IMMP2L: variants seen among roughly 807,000 people sequenced by gnomAD.
The protein encoded by IMMP2L is mitochondrial inner membrane protease subunit 2.
Under a neutral mutation model 19.3 loss-of-function variants are expected in IMMP2L, and 18 were observed. That is an observed-to-expected ratio of 0.93 (90% confidence interval 0.64 to 1.38). The LOEUF (loss-of-function observed/expected upper bound fraction) is 1.38. Ranked by LOEUF, IMMP2L falls within the 40% of genes most tolerant of loss-of-function variation. IMMP2L has a pLI of 0.00. For synonymous variants in IMMP2L, 76 were observed against 73.0 expected, an observed-to-expected ratio of 1.04 and a Z score of -0.21; for missense variants, 233 against 218.2, an observed-to-expected ratio of 1.07 and a Z score of -0.43.
chr7:111,560,328 C>G (rs1791889083), intron 1 of IMMP2L, among the ~76,000 whole-genome samples: 1 of 152,040 alleles, frequency 6.6e-6, no homozygotes, highest in Admixed American at 6.6e-5. Context: ...GCACAGAAAC[C>G]CATGCAAGTT....
intron 5 of IMMP2L, among the ~76,000 whole-genome samples, chr7:110,729,095 G>T (rs564889704): frequency 6.6e-6 from 1 of 152,184 alleles, no homozygotes; most frequent in East Asian, 1.9e-4. Context: ...ATGTTGGTCA[G>T]GCTTGTCTCG....
At chr7:111,158,961 G>A (rs1212493526) in intron 3 of IMMP2L, among the ~76,000 whole-genome samples, 3 of 152,058 alleles carry the variant, frequency 2.0e-5, no homozygotes, top group Non-Finnish European at 4.4e-5. Flanking sequence ...ATAAGCATAT[G>A]CTTAATATCC....
chr7:110,803,543 G>A lies in IMMP2L; in HGVS notation c.408+83050C>T, dbSNP rs1445681733. On this transcript the variant is annotated intron_variant, in intron 5 of 5. Coordinates refer to ENST00000405709, the MANE Select transcript of IMMP2L (RefSeq NM_032549.4). This position sits in a 1 kb window ranked among gnomAD's most constrained non-coding sequence, Gnocchi z 4.2. Reference sequence around the variant, plus strand: ...GAGAATGAGGCTGAGAGGGAAGTCAGTTGACACCACTAGGAGGTCTACCAC... The same window carrying A: ...GAGAATGAGGCTGAGAGGGAAGTCAATTGACACCACTAGGAGGTCTACCAC... 6.6e-6 allele frequency among the ~76,000 whole-genome samples: 1 copy of A among 152,076 alleles called. No homozygotes were observed. Among genetic ancestry groups the A allele is most frequent in the African/African-American group, 2.4e-5 (1 of 41,428 alleles).
At chr7:111,079,726 A>T (rs1244344426) in intron 3 of IMMP2L, among the ~76,000 whole-genome samples, 1 of 152,188 alleles carries the variant, frequency 6.6e-6, no homozygotes, top group East Asian at 1.9e-4. Flanking sequence ...TCAAATTATA[A>T]TCTCCTATGG....
intron 2 of IMMP2L, among the ~76,000 whole-genome samples, chr7:111,500,676 G>C (rs1034076233): frequency 2.0e-5 from 3 of 152,134 alleles, no homozygotes; most frequent in African/African-American, 7.2e-5. Flanking sequence ...AGCCACCGCT[G>C]TTCTGCAGCC....
At chr7:111,367,987 A>T (rs909913317) in intron 3 of IMMP2L, among the ~76,000 whole-genome samples, 4 of 151,758 alleles carry the variant, frequency 2.6e-5, no homozygotes, top group South Asian at 4.2e-4. Flanking sequence ...ACCACTCATT[A>T]AAAAAAGGAA....
chr7:110,905,640 G>A (rs1585211118), intron 4 of IMMP2L, among the ~76,000 whole-genome samples: 1 of 152,146 alleles, frequency 6.6e-6, no homozygotes, highest in East Asian at 1.9e-4. Flanking sequence ...AAAGATGAGA[G>A]ATCATAAAGT....
intron 5 of IMMP2L, among the ~76,000 whole-genome samples, chr7:110,871,387 C>G (rs1206930153): frequency 6.6e-6 from 1 of 151,868 alleles, no homozygotes; most frequent in Non-Finnish European, 1.5e-5. Context: ...AGGGGCATGC[C>G]AAAATTTAGA....
intron 3 of IMMP2L, among the ~76,000 whole-genome samples, chr7:111,212,515 G>A (rs1811437732): frequency 6.6e-6 from 1 of 151,948 alleles, no homozygotes; most frequent in Non-Finnish European, 1.5e-5. Context: ...GGAGGATGAA[G>A]TGACAGAATC....
At chr7:110,918,124 C>T (rs2129550123) in intron 4 of IMMP2L, among the ~76,000 whole-genome samples, 1 of 152,226 alleles carries the variant, frequency 6.6e-6, no homozygotes, top group East Asian at 1.9e-4. Context: ...AATTTCTTTC[C>T]TTTCCTATTT....
At chr7:110,731,769 C>G (rs1006138895) in intron 5 of IMMP2L, among the ~76,000 whole-genome samples, 5 of 152,066 alleles carry the variant, frequency 3.3e-5, no homozygotes, top group Non-Finnish European at 7.4e-5. Context: ...GATTATAAAG[C>G]CTGTTTTCTC....
chr7:111,382,210 T>C (rs1257308401), intron 3 of IMMP2L, among the ~76,000 whole-genome samples: 1 of 151,900 alleles, frequency 6.6e-6, no homozygotes, highest in Admixed American at 6.6e-5. Context: ...CAAATAGCCA[T>C]GTATGAACAA....
intron 3 of IMMP2L, among the ~76,000 whole-genome samples, chr7:111,276,876 C>T (rs1219286891): frequency 6.6e-6 from 1 of 151,996 alleles, no homozygotes; most frequent in East Asian, 1.9e-4. Context: ...AAAATGCCAC[C>T]TTATTTAATA....
At chr7:111,397,410 C>T (rs142763279) in intron 3 of IMMP2L, among the ~76,000 whole-genome samples, 148 of 152,168 alleles carry the variant, frequency 9.7e-4, no homozygotes, top group Non-Finnish European at 2.0e-3. Flanking sequence ...AATGCAGTAG[C>T]GAACATCCCT....
At chr7:111,350,378 T>TA (rs1325929708) in intron 3 of IMMP2L, among the ~76,000 whole-genome samples, 1 of 151,588 alleles carries the variant, frequency 6.6e-6, no homozygotes, top group Non-Finnish European at 1.5e-5. Flanking sequence ...TAGTTGGACT[T>TA]ATCTTTATTT....
chr7:110,861,311 C>T (rs1022230024), intron 5 of IMMP2L, among the ~76,000 whole-genome samples: 7 of 151,702 alleles, frequency 4.6e-5, no homozygotes, highest in African/African-American at 9.7e-5. Context: ...GGTCTTGCGT[C>T]GGCTGCACTC....
At chr7:110,883,164 C>T (rs1563051791) in intron 5 of IMMP2L, among the ~76,000 whole-genome samples, 2 of 152,038 alleles carry the variant, frequency 1.3e-5, no homozygotes, top group African/African-American at 4.8e-5. Flanking sequence ...AAGACATAAA[C>T]TTTACTTTTC....
intron 3 of IMMP2L, among the ~76,000 whole-genome samples, chr7:111,423,006 G>A (rs1198461361): frequency 2.0e-5 from 3 of 151,824 alleles, no homozygotes; most frequent in Non-Finnish European, 4.4e-5. Context: ...TTCTGTTTAA[G>A]TGATGGATTA....
chr7:111,332,967 A>G (rs891776121), intron 3 of IMMP2L, among the ~76,000 whole-genome samples: 1 of 152,052 alleles, frequency 6.6e-6, no homozygotes, highest in African/African-American at 2.4e-5. Flanking sequence ...AATACAGGAG[A>G]TCCCTTAGGG....
Sources: allele counts gnomAD v4.1 joint callset (sites outside exome capture counted in the v4.1 genomes callset), GRCh38; gene constraint gnomAD v4.1.1; non-coding constraint Gnocchi (gnomAD v3.1); transcripts MANE v1.5; gene names NCBI Gene and HGNC (gene_info 2026-07-23, HGNC 2026-07-21).